The following CASP8 variants were observed in gnomAD, a reference collection of about 807,000 sequenced individuals.
CASP8 encodes the protein caspase-8.
In CASP8, 24 loss-of-function variants were observed where a neutral mutation model predicts 46.3. That is an observed-to-expected ratio of 0.52 (90% CI 0.38 to 0.73). CASP8 has a LOEUF of 0.73. Among genes scored for constraint, CASP8 ranks in the 30% least tolerant of loss-of-function variants. The pLI is 0.00. For synonymous variants in CASP8, 188 were observed against 200.4 expected, an observed-to-expected ratio of 0.94 and a Z score of 0.52; for missense variants, 460 against 559.0, an observed-to-expected ratio of 0.82 and a Z score of 1.79.
At chr2:201,241,492 T>C (rs984968558) in intron 2 of CASP8, 1 of 152,186 alleles carries the variant, frequency 6.6e-6, no homozygotes, top group Admixed American at 6.5e-5. Context: ...CTACGATGAC[T>C]GAATCATGAA....
intron 8 of CASP8, 73 bp from the exon 9 acceptor site, chr2:201,286,386 A>C: frequency 6.5e-7 from 1 of 1,549,518 alleles, no homozygotes; most frequent in Non-Finnish European, 8.9e-7. Flanking sequence ...ACTATCTCTG[A>C]GCACAGCAGA....
intron 7 of CASP8, among the ~76,000 whole-genome samples, chr2:201,282,773 G>C (rs1949177545): frequency 1.2e-5 from 1 of 85,456 alleles, no homozygotes; most frequent in Non-Finnish European, 2.8e-5. Flanking sequence ...CGGCCCGGCA[G>C]AGGCGCCCCT....
intron 2 of CASP8, among the ~76,000 whole-genome samples, chr2:201,234,524 A>C (rs1945962069): frequency 6.6e-6 from 1 of 151,814 alleles, no homozygotes. Context: ...ATCTCAGCTC[A>C]CTGATATCTC....
In CASP8 at chr2:201,284,935, G is replaced by A; in HGVS notation, c.922G>A (p.Asp308Asn). Residue 308 changes from aspartate (D) to asparagine (N), a missense_variant, in exon 8 of 9, where the codon GAC becomes AAC. By Grantham distance (23) the Asp-to-Asn change is conservative (BLOSUM62 1). Transcript: ENST00000673742. ...CCAACTCATGGACCACAGTAACATGGACTGCTTCATCTGCTGTATCCTCTC... is the reference window on the plus strand; with the variant it reads ...CCAACTCATGGACCACAGTAACATGAACTGCTTCATCTGCTGTATCCTCTC... Reference protein sequence around the residue: ...IYQLMDHSNMDCFICCILSHG... With the variant: ...IYQLMDHSNMNCFICCILSHG... The A allele has an allele frequency of 1.9e-6, 3 of 1,614,142 alleles. No individual in the cohort carries two copies. The highest frequency in any genetic ancestry group is 1.1e-5 in the South Asian group (1 of 91,074).
upstream of CASP8, chr2:201,258,506 C>A: frequency 9.0e-7 from 1 of 1,107,370 alleles, no homozygotes; most frequent in Non-Finnish European, 1.4e-6. Context: ...TCTGAGGACA[C>A]CTCTGGGTGC....
intron 7 of CASP8, among the ~76,000 whole-genome samples, chr2:201,283,225 C>T (rs1949251207): frequency 2.4e-5 from 2 of 81,648 alleles, no homozygotes; most frequent in Non-Finnish European, 5.8e-5. Context: ...GGGGGGCTGA[C>T]CCCCCACCTC....
chr2:201,254,016 G>A (rs921547228), intron 2 of CASP8, among the ~76,000 whole-genome samples: 1 of 151,778 alleles, frequency 6.6e-6, no homozygotes, highest in Non-Finnish European at 1.5e-5. Context: ...AGGAGGCGGA[G>A]GTTGCGGTGA....
chr2:201,261,116 GGC>G (rs1458470084), intron 1 of CASP8, among the ~76,000 whole-genome samples: 1 of 152,142 alleles, frequency 6.6e-6, no homozygotes, highest in Non-Finnish European at 1.5e-5. Flanking sequence ...AAAAAGACTG[GGC>G]GTGGTGGCTC....
intron 2 of CASP8, among the ~76,000 whole-genome samples, chr2:201,248,904 T>G (rs1946649995): frequency 6.6e-6 from 1 of 152,200 alleles, no homozygotes; most frequent in Non-Finnish European, 1.5e-5. Context: ...ACTGCTTCCT[T>G]CTTTTTTGAG....
chr2:201,239,489 A>G (rs1320926428), intron 2 of CASP8, among the ~76,000 whole-genome samples: 3 of 151,996 alleles, frequency 2.0e-5, no homozygotes, highest in Admixed American at 6.6e-5. Context: ...TCTAATTTCT[A>G]GTGTTTTTTT....
chr2:201,249,119 C>G (rs1222938543), intron 2 of CASP8, among the ~76,000 whole-genome samples: 1 of 152,192 alleles, frequency 6.6e-6, no homozygotes, highest in East Asian at 1.9e-4. Context: ...TCTTCAACTC[C>G]TGACCTCAGG....
In CASP8 at chr2:201,272,289, G is replaced by A. The variant is rs1948318314; in HGVS notation, c.412-349G>A. On this transcript the variant is annotated intron_variant, in intron 3 of 8. Transcript: ENST00000673742. This position sits in a 1 kb window ranked among gnomAD's most constrained non-coding sequence, Gnocchi z 4.4. Reference sequence around the variant, plus strand: ...TCAGGTCTGGAGAGGCAATGCTGGGGGTGAGGCTGTTCCCCAGGGTGTCAC... The same window carrying A: ...TCAGGTCTGGAGAGGCAATGCTGGGAGTGAGGCTGTTCCCCAGGGTGTCAC... Among the ~76,000 whole-genome samples, 1 of 151,990 alleles carries A rather than the reference G, an allele frequency of 6.6e-6. No homozygotes were observed. The highest frequency in any genetic ancestry group is 1.5e-5 in the Non-Finnish European group (1 of 67,966).
At chr2:201,282,824 C>G in intron 7 of CASP8, among the ~76,000 whole-genome samples, 1 of 83,078 alleles carries the variant, frequency 1.2e-5, no homozygotes, top group Non-Finnish European at 3.0e-5. Context: ...GGGGGCTGAC[C>G]CCCCCACCTC....
intron 7 of CASP8, among the ~76,000 whole-genome samples, chr2:201,280,405 T>G (rs185854715): frequency 4.1e-4 from 62 of 152,262 alleles, no homozygotes; most frequent in African/African-American, 1.4e-3. Flanking sequence ...TATAATGGAT[T>G]AAGATTCACT....
Position 201,272,879 on chromosome 2 carries a change from G to A in CASP8, c.551-19G>A, listed in dbSNP as rs554480015. 1 of 1,614,058 alleles carries A rather than the reference G, an allele frequency of 6.2e-7. No homozygotes were observed. The highest frequency in any genetic ancestry group is 8.5e-7 in the Non-Finnish European group (1 of 1,179,922). On this transcript the variant is annotated intron_variant, in intron 4 of 8. Transcript: ENST00000673742. The surrounding 1 kb of genome is among the most constrained non-coding windows in gnomAD (Gnocchi z 4.4). Reference sequence around the variant, plus strand: ...TGTTTCTAATCAAATATTGTTTGGGGTTTCCCCTTTTAATTCAGAGAGAAG... The same window carrying A: ...TGTTTCTAATCAAATATTGTTTGGGATTTCCCCTTTTAATTCAGAGAGAAG...
At chr2:201,261,728 T>G (rs1372238304) in intron 1 of CASP8, among the ~76,000 whole-genome samples, 2 of 152,196 alleles carry the variant, frequency 1.3e-5, no homozygotes, top group Non-Finnish European at 2.9e-5. Context: ...GGTTAGGGGT[T>G]TGGGCCTGAG....
rs190645672 is a variant in CASP8, at chr2:201,234,873, A to G, written c.-27+761A>G. 6.6e-5 allele frequency among the ~76,000 whole-genome samples: 10 copies of G among 152,268 alleles called. No homozygotes were observed. In the East Asian group the frequency reaches 1.9e-3, roughly 29 times the overall value. On this transcript the variant is annotated intron_variant, in intron 2 of 6. Transcript: ENST00000264274. Reference sequence around the variant, plus strand: ...GCTTTTATTTCTTGGTTAAGTTCCTACTTATTATGAATTTACTCTGCATGC... The same window carrying G: ...GCTTTTATTTCTTGGTTAAGTTCCTGCTTATTATGAATTTACTCTGCATGC...
At chr2:201,277,819 G>C (rs1948741964) in intron 7 of CASP8, 1 of 341,740 alleles carries the variant, frequency 2.9e-6, no homozygotes, top group Non-Finnish European at 5.6e-6. Flanking sequence ...TCCTGCCTCA[G>C]CCTCCCAAGT....
chr2:201,282,786 C>T (rs1314037746), intron 7 of CASP8, among the ~76,000 whole-genome samples: 2 of 88,378 alleles, frequency 2.3e-5, no homozygotes, highest in East Asian at 7.3e-4. Context: ...GCGCCCCTCA[C>T]CTCCCGGACG....
Sources: allele counts gnomAD v4.1 joint callset (sites outside exome capture counted in the v4.1 genomes callset), GRCh38; gene constraint gnomAD v4.1.1; non-coding constraint Gnocchi (gnomAD v3.1); transcripts MANE v1.5; gene names NCBI Gene and HGNC (gene_info 2026-07-23, HGNC 2026-07-21).